The following NR2F1-AS1 variants were observed in gnomAD, a reference collection of about 807,000 sequenced individuals.
The protein encoded by NR2F1-AS1 is NR2F1 regulatory antisense RNA 1.
intron 4 of NR2F1-AS1, among the ~76,000 whole-genome samples, chr5:93,439,145 G>A (rs1248361018): frequency 1.3e-5 from 2 of 152,144 alleles, no homozygotes; most frequent in African/African-American, 2.4e-5. Context: ...TAGCCAAGAA[G>A]GACCATTATT....
chr5:93,570,430 A>G (rs979950440), intron 1 of NR2F1-AS1: 14 of 152,604 alleles, frequency 9.2e-5, no homozygotes, highest in Non-Finnish European at 1.8e-4. Context: ...TAAATGGGGA[A>G]GTTGTAAAAG....
chr5:93,536,705 AATG>A (rs1365241624), intron 4 of NR2F1-AS1, among the ~76,000 whole-genome samples: 2 of 152,232 alleles, frequency 1.3e-5, no homozygotes, highest in Non-Finnish European at 2.9e-5. Flanking sequence ...GTCTTCAATA[AATG>A]ATGATGAGAA....
At chr5:93,551,501 G>A (rs916078242) in intron 4 of NR2F1-AS1, among the ~76,000 whole-genome samples, 1 of 152,050 alleles carries the variant, frequency 6.6e-6, no homozygotes, top group African/African-American at 2.4e-5. Flanking sequence ...TTTTCAAAGT[G>A]TAAACTACTG....
chr5:93,422,679 A>C (rs558753378), intron 4 of NR2F1-AS1, among the ~76,000 whole-genome samples: 1 of 152,338 alleles, frequency 6.6e-6, no homozygotes, highest in South Asian at 2.1e-4. Flanking sequence ...TCATAGGTCT[A>C]GCTTTAGACT....
chr5:93,421,299 A>C (rs1749083013), intron 4 of NR2F1-AS1, among the ~76,000 whole-genome samples: 1 of 152,008 alleles, frequency 6.6e-6, no homozygotes. Flanking sequence ...TTTTCATGCC[A>C]TGGTTTCAAC....
intron 1 of NR2F1-AS1, among the ~76,000 whole-genome samples, chr5:93,564,203 C>A (rs1024051491): frequency 1.4e-5 from 2 of 145,186 alleles, no homozygotes; most frequent in Admixed American, 1.4e-4. Context: ...CTATTAGCAG[C>A]GTCACCCACC....
chr5:93,453,402 A>G (rs1749879840), intron 4 of NR2F1-AS1, among the ~76,000 whole-genome samples: 1 of 152,088 alleles, frequency 6.6e-6, no homozygotes, highest in African/African-American at 2.4e-5. Context: ...ATCACCATGG[A>G]TTTTCTAAAT....
At chr5:93,578,643 C>T (rs754303679) in intron 1 of NR2F1-AS1, among the ~76,000 whole-genome samples, 19 of 152,070 alleles carry the variant, frequency 1.2e-4, no homozygotes, top group Non-Finnish European at 1.6e-4. Context: ...CGTCCAGACT[C>T]AGCTTAAGGT....
chr5:93,428,912 T>C (rs146071018), intron 4 of NR2F1-AS1, among the ~76,000 whole-genome samples: 243 of 152,318 alleles, frequency 1.6e-3, no homozygotes, highest in Non-Finnish European at 2.7e-3. Context: ...CTCTGTGGCT[T>C]TGAACTGGGG....
At chr5:93,435,476 C>A (rs1004680971) in intron 4 of NR2F1-AS1, among the ~76,000 whole-genome samples, 6 of 152,078 alleles carry the variant, frequency 3.9e-5, no homozygotes, top group Non-Finnish European at 7.4e-5. Flanking sequence ...ACTTTTTCCC[C>A]AATTTGCCTC....
At chr5:93,506,126 G>A (rs1304450749) in intron 4 of NR2F1-AS1, among the ~76,000 whole-genome samples, 5 of 152,124 alleles carry the variant, frequency 3.3e-5, no homozygotes. Flanking sequence ...CAAGTTCAGA[G>A]TTCCACAAAT....
chr5:93,486,583 G>T (rs1205341218), intron 4 of NR2F1-AS1, among the ~76,000 whole-genome samples: 1 of 152,144 alleles, frequency 6.6e-6, no homozygotes, highest in East Asian at 1.9e-4. Flanking sequence ...AACAAGTTCT[G>T]AAATTGCAGC....
At chr5:93,488,894 T>C (rs1282827774) in intron 4 of NR2F1-AS1, among the ~76,000 whole-genome samples, 1 of 152,166 alleles carries the variant, frequency 6.6e-6, no homozygotes, top group Non-Finnish European at 1.5e-5. Context: ...GTGGCACATA[T>C]ACACCATGGA....
chr5:93,495,912 G>T (rs1436447003), intron 4 of NR2F1-AS1: 2 of 151,862 alleles, frequency 1.3e-5, no homozygotes, highest in African/African-American at 4.8e-5. Flanking sequence ...AATGTTTTGT[G>T]GATACTACAA....
intron 4 of NR2F1-AS1, among the ~76,000 whole-genome samples, chr5:93,468,002 G>T (rs938447649): frequency 2.0e-5 from 3 of 152,178 alleles, no homozygotes; most frequent in Non-Finnish European, 4.4e-5. Context: ...TTTTATGGCT[G>T]CATAGTATTC....
chr5:93,556,272 T>C (rs1314617009), intron 2 of NR2F1-AS1, among the ~76,000 whole-genome samples: 2 of 152,192 alleles, frequency 1.3e-5, no homozygotes, highest in Non-Finnish European at 2.9e-5. Flanking sequence ...TCAGGAGTTC[T>C]CCTGTTTGTT....
upstream of NR2F1-AS1, among the ~76,000 whole-genome samples, chr5:93,582,968 C>A (rs1753145989): frequency 3.3e-5 from 5 of 151,992 alleles, no homozygotes; most frequent in African/African-American, 1.2e-4. Flanking sequence ...AGAAAGAAAG[C>A]AAAAGAGGAG....
intron 4 of NR2F1-AS1, among the ~76,000 whole-genome samples, chr5:93,459,795 C>G (rs1486644576): frequency 6.6e-6 from 1 of 151,906 alleles, no homozygotes; most frequent in Non-Finnish European, 1.5e-5. Flanking sequence ...TTTCAAAATC[C>G]TGGGCCTATC....
intron 4 of NR2F1-AS1, among the ~76,000 whole-genome samples, chr5:93,473,616 T>C (rs1750416291): frequency 6.6e-6 from 1 of 150,680 alleles, no homozygotes; most frequent in Non-Finnish European, 1.5e-5. Flanking sequence ...CTTAAATATA[T>C]ATATTATATA....
Sources: allele counts gnomAD v4.1 joint callset (sites outside exome capture counted in the v4.1 genomes callset), GRCh38; gene constraint gnomAD v4.1.1; transcripts MANE v1.5; gene names NCBI Gene and HGNC (gene_info 2026-07-23, HGNC 2026-07-21).